Variants in CEP170 observed in about 807,000 individuals in gnomAD.
CEP170 encodes the protein centrosomal protein 170, also known as centrosomal protein of 170 kDa.
In CEP170, 21 loss-of-function variants were observed where a neutral mutation model predicts 151.9. The ratio of observed to expected loss-of-function variants is 0.14; its 90% CI spans 0.10 to 0.20. The LOEUF is 0.20. Among genes scored for constraint, CEP170 ranks in the 10% least tolerant of loss-of-function variants. The pLI is 1.00. For missense variants in CEP170, 964 were observed against 1,892.9 expected (o/e 0.51, Z 9.11); for synonymous variants, 356 against 648.8 (o/e 0.55, Z 6.86).
At chr1:243,234,331 A>C (rs767049352) in intron 1 of CEP170, among the ~76,000 whole-genome samples, 2 of 152,238 alleles carry the variant, frequency 1.3e-5, no homozygotes, top group Non-Finnish European at 2.9e-5. Context: ...TTTGGTACCA[A>C]CAGGCATGAA....
chr1:243,239,556 TA>T (rs900694490), intron 1 of CEP170, among the ~76,000 whole-genome samples: 3 of 152,274 alleles, frequency 2.0e-5, no homozygotes, highest in Non-Finnish European at 4.4e-5. Flanking sequence ...CAGTTTTGAG[TA>T]AAAAGCCCTG....
chr1:243,253,989 T>A (rs546549029), intron 1 of CEP170, among the ~76,000 whole-genome samples: 12 of 152,266 alleles, frequency 7.9e-5, no homozygotes, highest in African/African-American at 2.9e-4. Flanking sequence ...CGGAAAGATG[T>A]ATCCATTCCC....
At chr1:243,205,043 C>T (rs1308627140) in intron 4 of CEP170, among the ~76,000 whole-genome samples, 1 of 152,124 alleles carries the variant, frequency 6.6e-6, no homozygotes, top group Non-Finnish European at 1.5e-5. Context: ...CAACTCACTG[C>T]CCTGTGAAAG....
chr1:243,253,748 C>G (rs559038106), intron 1 of CEP170, among the ~76,000 whole-genome samples: 37 of 152,180 alleles, frequency 2.4e-4, no homozygotes, highest in Non-Finnish European at 5.0e-4. Context: ...GCTTTATTCT[C>G]TCTTCTGGTG....
chr1:243,158,074 T>G (rs1053284859), intron 13 of CEP170, among the ~76,000 whole-genome samples: 7 of 152,196 alleles, frequency 4.6e-5, no homozygotes, highest in Non-Finnish European at 1.0e-4. Flanking sequence ...ATGGTGATAA[T>G]GTGCTCATTT....
rs2059856209 is a variant in CEP170 at position 243,185,052 on chromosome 1, A to G, written c.1566+727T>C. 6.6e-6 allele frequency among the ~76,000 whole-genome samples: 1 copy of G among 152,198 alleles called. No homozygotes were observed. Among genetic ancestry groups the G allele is most frequent in the Non-Finnish European group, 1.5e-5 (1 of 68,030 alleles). ...CACTGCGGTTTTTGCCATTACTTTC[A>G]ACGGCAACCTTGATAGCTGATTCTA... On this transcript the variant is annotated intron_variant, in intron 10 of 19. Coordinates refer to ENST00000366542, the MANE Select transcript of CEP170 (RefSeq NM_014812.3). The surrounding 1 kb of genome is among the most constrained non-coding windows in gnomAD (Gnocchi z 4.9).
rs771412596 is a variant in CEP170, at chr1:243,128,316, T to C, written c.4414-16A>G. 1.1e-5 allele frequency: 17 copies of C among 1,566,274 alleles called. No homozygotes were observed. The highest frequency in any genetic ancestry group is 1.4e-5 in the Non-Finnish European group (16 of 1,162,552). ...AAGAAATCTCCTGCAGGGAAAGCAA[T>C]AACAAAAATTAGCCTACTTTTAGCT... On this transcript the variant is annotated splice_polypyrimidine_tract_variant and intron_variant, in intron 18 of 19. Coordinates refer to ENST00000366542, the MANE Select transcript of CEP170 (RefSeq NM_014812.3).
At chr1:243,136,438 A>G (rs2055090030) in intron 16 of CEP170, 1 of 574,108 alleles carries the variant, frequency 1.7e-6, no homozygotes. Context: ...TTATTATTAA[A>G]TAACTTGTCA....
chr1:243,230,584 G>A (rs1319104876), intron 1 of CEP170, among the ~76,000 whole-genome samples: 1 of 152,064 alleles, frequency 6.6e-6, no homozygotes, highest in African/African-American at 2.4e-5. Flanking sequence ...AACATATTCT[G>A]GAGCTAAAAA....
intron 1 of CEP170, among the ~76,000 whole-genome samples, chr1:243,249,702 A>G (rs2065762565): frequency 6.6e-6 from 1 of 152,216 alleles, no homozygotes. Context: ...TTACATCGTA[A>G]AAGAATTATC....
At chr1:243,159,021 C>T (rs918567473) in intron 13 of CEP170, among the ~76,000 whole-genome samples, 2 of 152,028 alleles carry the variant, frequency 1.3e-5, no homozygotes, top group African/African-American at 4.8e-5. Context: ...GAGCTGAGAT[C>T]GCACCACTGC....
intron 13 of CEP170, chr1:243,163,195 T>C (rs890644183): frequency 1.7e-4 from 26 of 152,318 alleles, no homozygotes; most frequent in African/African-American, 5.8e-4. Context: ...GTGTGGTAGA[T>C]GTAAACCAAT....
At chr1:243,198,186 GT>G (rs2060788090) in intron 7 of CEP170, among the ~76,000 whole-genome samples, 2 of 152,164 alleles carry the variant, frequency 1.3e-5, no homozygotes, top group East Asian at 1.9e-4. Context: ...CTTGTCTGCT[GT>G]TATCTCAAAA....
chr1:243,221,519 T>G, intron 3 of CEP170: 3 of 505,022 alleles, frequency 5.9e-6, no homozygotes, highest in Non-Finnish European at 1.0e-5. Context: ...ACCTTCTGGA[T>G]TCATCTGCTT....
At position 243,194,269 on chromosome 1, in the gene CEP170, T is replaced by C. The variant is rs571877503; in HGVS notation, c.632-2775A>G. Among the ~76,000 whole-genome samples the C allele has an allele frequency of 9.7e-4, 147 of 152,130 alleles. 1 individual carries two copies. The highest frequency in any genetic ancestry group is 3.4e-3 in the Middle Eastern group (1 of 294). On this transcript the variant is annotated intron_variant, in intron 7 of 19. Transcript: ENST00000366542. ...TCAGTATATAGGGCAAACAGTCTTA[T>C]ATACTACAGTCTCCTGAGGACATTA...
At chr1:243,137,855 A>G (rs1159301577) in intron 16 of CEP170, among the ~76,000 whole-genome samples, 2 of 152,152 alleles carry the variant, frequency 1.3e-5, no homozygotes, top group Non-Finnish European at 2.9e-5. Flanking sequence ...GTGATCATGG[A>G]AAAACGTGAA....
chr1:243,248,817 G>C (rs927722482), intron 1 of CEP170, among the ~76,000 whole-genome samples: 29 of 152,056 alleles, frequency 1.9e-4, no homozygotes, highest in African/African-American at 6.5e-4. Flanking sequence ...TAAAATCAAT[G>C]AATAAAATCT....
At chr1:243,213,877 T>C (rs1333659638) in intron 3 of CEP170, among the ~76,000 whole-genome samples, 1 of 152,182 alleles carries the variant, frequency 6.6e-6, no homozygotes, top group African/African-American at 2.4e-5. Flanking sequence ...CACACCCTGC[T>C]AATTTTTAAA....
intron 6 of CEP170, 71 bp from the exon 7 acceptor site, chr1:243,199,265 G>C (rs1356602801): frequency 6.7e-7 from 1 of 1,497,502 alleles, no homozygotes; most frequent in East Asian, 2.3e-5. Context: ...CAGAATGCTA[G>C]AACTGCCTGC....
Sources: gnomAD v4.1 joint callset for allele counts (sites outside exome capture counted in the v4.1 genomes callset) on GRCh38, gnomAD v4.1.1 for gene constraint, Gnocchi (gnomAD v3.1) non-coding constraint, MANE v1.5 for transcripts, NCBI Gene and HGNC (gene_info 2026-07-23, HGNC 2026-07-21) for gene names.